COL1A1: variants seen among roughly 807,000 people sequenced by gnomAD.
The protein encoded by COL1A1 is collagen type I alpha 1 chain.
COL1A1 carries 21 observed loss-of-function variants against 195.7 expected under a neutral mutation model. The observed-to-expected ratio is 0.11, with a 90% confidence interval of 0.08 to 0.15. COL1A1 has a LOEUF of 0.15. COL1A1 is among the 10% of genes least tolerant of loss of function. The pLI, the probability that COL1A1 is intolerant of heterozygous loss-of-function variation, is 1.00. For missense variants in COL1A1, 1,365 were observed against 2,051.0 expected, an observed-to-expected ratio of 0.67 and a Z score of 6.46; for synonymous variants, 749 against 747.3, an observed-to-expected ratio of 1.00 and a Z score of -0.04.
At chr17:50,197,278 C>A in intron 9 of COL1A1, 45 bp from the exon 10 acceptor site, 1 of 1,599,640 alleles carries the variant, frequency 6.3e-7, no homozygotes, top group Non-Finnish European at 8.6e-7. Flanking sequence ...CTCCCCACCA[C>A]CGCCTAGGGG....
Position 50,195,617 on chromosome 17 carries a change from C to T in COL1A1, c.1105G>A (p.Val369Met). 1 of 1,613,844 alleles carries T rather than the reference C, an allele frequency of 6.2e-7. No individual in the cohort carries two copies. The highest frequency in any genetic ancestry group is 1.7e-5 in the Admixed American group (1 of 60,014). ...CCAGGGGGGCCAGGCTCACCACGCA[C>T]ACCCTGGGGACCTTCAGAGCCTCGG... is the stretch of plus-strand genomic sequence containing the variant. ...GPRGSEGPQG[V>M]RGEPGPPGPA... Residue 369 changes from valine to methionine, a missense_variant, in exon 17 of 51, where the codon GTG (valine) becomes ATG (methionine). Val to Met is a conservative substitution (Grantham distance 21). This residue lies in a region of COL1A1 where 226 missense variants were observed against 372.9 expected (regional missense o/e 0.61). Coordinates refer to ENST00000225964, the MANE Select transcript of COL1A1 (RefSeq NM_000088.4). The surrounding 1 kb of genome is among the most constrained non-coding windows in gnomAD (Gnocchi z 4.3).
Position 50,185,645 on chromosome 17 carries a change from G to A in COL1A1, c.4252C>T (p.His1418Tyr). 6.2e-7 allele frequency: 1 copy of A among 1,613,830 alleles called. No individual in the cohort carries two copies. The highest frequency in any genetic ancestry group is 1.6e-4 in the Middle Eastern group (1 of 6,062). The change falls in exon 51 of 51, where the codon CAC (histidine) becomes TAC (tyrosine). Residue 1418 changes from histidine (H) to tyrosine (Y), a missense_variant. His to Tyr is a moderately conservative substitution (Grantham distance 83). Around this residue, in one of 5 missense-constraint regions of COL1A1, gnomAD observed 273 missense variants for 338.6 expected, o/e 0.81. Transcript: ENST00000225964. ...ACTGTCTTGCCCCAGGCTCCGGTGTGACTCTGGGGTGGGGCGGAGACAACG... is the reference window on the plus strand; with the variant it reads ...ACTGTCTTGCCCCAGGCTCCGGTGTAACTCTGGGGTGGGGCGGAGACAACG... ...YSVTVDGCTS[H>Y]TGAWGKTVIE...
chr17:50,197,497 A>G (rs1907696195), intron 9 of COL1A1, among the ~76,000 whole-genome samples: 1 of 152,188 alleles, frequency 6.6e-6, no homozygotes. Flanking sequence ...CCCCAAAGGG[A>G]TGGGGTTGGG....
rs773802092 is a variant in COL1A1 at position 50,190,496 on chromosome 17, G to A, written c.2397+47C>T. 1.2e-6 allele frequency: 2 copies of A among 1,610,082 alleles called. No homozygotes were observed. ...ACAGGGCCAGGGGTGCTGTGTGAAG[G>A]GAGGGAAGGGCCAAGTATGGGGTCT... is the stretch of plus-strand genomic sequence containing the variant. On this transcript the variant is annotated intron_variant, in intron 34 of 50. Coordinates refer to ENST00000225964, the MANE Select transcript of COL1A1 (RefSeq NM_000088.4). The surrounding 1 kb of genome is among the most constrained non-coding windows in gnomAD (Gnocchi z 4.7).
In COL1A1 at chr17:50,194,735, G is replaced by T; in HGVS notation, c.1447C>A (p.Pro483Thr). The T allele has an allele frequency of 4.5e-6, 7 of 1,569,648 alleles. No homozygotes were observed. Among genetic ancestry groups the T allele is most frequent in the African/African-American group, 1.4e-5 (1 of 73,534 alleles). ...GGGACACTTACACGCTCGCCAGGGG[G>T]TCCGGGCAGGCCAGTGGGTCCGGGT... is the stretch of plus-strand genomic sequence containing the variant. ...GEPGPTGLPG[P>T]PGERGGPGSR... Residue 483 changes from proline to threonine, a missense_variant, in exon 21 of 51, where the codon CCC (proline) becomes ACC (threonine). This residue lies in a region of COL1A1 where 671 missense variants were observed against 1,099.9 expected (regional missense o/e 0.61). Transcript: ENST00000225964. The surrounding 1 kb of genome is among the most constrained non-coding windows in gnomAD (Gnocchi z 6.8).
chr17:50,188,926 G>A lies in COL1A1; in HGVS notation c.3022C>T (p.Pro1008Ser), dbSNP rs1199013401. 6.2e-6 allele frequency: 10 copies of A among 1,610,972 alleles called. No homozygotes were observed. The highest frequency in any genetic ancestry group is 1.6e-4 in the Middle Eastern group (1 of 6,076). ...GPMGPPGLAG[P>S]PGESGREGAP... The stretch of plus-strand genomic sequence containing the variant: ...ACCTCACGTCCAGATTCACCAGGGG[G>A]TCCAGCCAATCCAGGGGGGCCCATG... Residue 1008 changes from proline to serine, a missense_variant, in exon 41 of 51, where the codon CCC (proline) becomes TCC (serine). This residue lies in a region of COL1A1 where 671 missense variants were observed against 1,099.9 expected (regional missense o/e 0.61). Coordinates refer to ENST00000225964, the MANE Select transcript of COL1A1 (RefSeq NM_000088.4). The surrounding 1 kb of genome is among the most constrained non-coding windows in gnomAD (Gnocchi z 5.6).
intron 46 of COL1A1, 78 bp from the exon 47 acceptor site, chr17:50,187,200 C>G: frequency 2.5e-6 from 3 of 1,214,482 alleles, no homozygotes; most frequent in Non-Finnish European, 3.6e-6. Context: ...GCCCACCACC[C>G]TCCCTGCTGG....
rs1395133798 is a variant in COL1A1 at position 50,186,055 on chromosome 17, C to T, written c.4006-35G>A. The T allele has an allele frequency of 6.2e-7, 1 of 1,608,548 alleles. No individual in the cohort carries two copies. The highest frequency in any genetic ancestry group is 1.7e-5 in the Admixed American group (1 of 59,996). ...AGGGGAGAGAGGGAAGAGTGAGCCG[C>T]TATGCGGGAACCTCTAGTCCTGCCT... On this transcript the variant is annotated intron_variant, in intron 49 of 50. Coordinates refer to ENST00000225964, the MANE Select transcript of COL1A1 (RefSeq NM_000088.4). The surrounding 1 kb of genome is among the most constrained non-coding windows in gnomAD (Gnocchi z 5.3).
At chr17:50,199,360 G>A (rs1444069190) in intron 4 of COL1A1, 33 bp from the exon 5 acceptor site, 1 of 1,602,742 alleles carries the variant, frequency 6.2e-7, no homozygotes, top group Non-Finnish European at 8.5e-7. Context: ...CGGGGTGAGC[G>A]TGGGGCCGAG....
rs1598297682 is a variant in COL1A1, at chr17:50,195,941, AG to A, written c.1037del (p.Pro346LeufsTer195). The A allele has an allele frequency of 6.3e-7, 1 of 1,590,688 alleles. No homozygotes were observed. Among genetic ancestry groups the A allele is most frequent in the Non-Finnish European group, 8.6e-7 (1 of 1,168,078 alleles). ...PTGPAGPPGF[P>X]GAVGAKGEAG... ...GTCTCACCTTAGCACCAACAGCACC[AG>A]GGAAGCCAGGAGGACCAGCGGGGCC... On this transcript the variant is annotated frameshift_variant, in exon 16 of 51. Coordinates refer to ENST00000225964, the MANE Select transcript of COL1A1 (RefSeq NM_000088.4). LOFTEE classifies it high-confidence loss of function. The surrounding 1 kb of genome is among the most constrained non-coding windows in gnomAD (Gnocchi z 4.3).
chr17:50,193,876 C>T, intron 25 of COL1A1, 67 bp downstream of exon 25: 1 of 1,414,484 alleles, frequency 7.1e-7, no homozygotes. Flanking sequence ...AGCCCAGAGC[C>T]CAGGACTCCT....
chr17:50,188,664 GT>G lies in COL1A1; in HGVS notation c.3100-28del, dbSNP rs2144546331. 1.2e-6 allele frequency: 2 copies of G among 1,613,298 alleles called. No individual in the cohort carries two copies. The highest frequency in any genetic ancestry group is 4.5e-5 in the East Asian group (2 of 44,854). On this transcript the variant is annotated intron_variant, in intron 42 of 50. Coordinates refer to ENST00000225964, the MANE Select transcript of COL1A1 (RefSeq NM_000088.4). This position sits in a 1 kb window ranked among gnomAD's most constrained non-coding sequence, Gnocchi z 5.6. ...TGGCGGGGAGAGCAGGGGAATATGG[GT>G]CAGCCCCGGGTGAAGGGCCAGGATG... is the stretch of plus-strand genomic sequence containing the variant.
In COL1A1 at chr17:50,185,528, C is replaced by T. The variant is rs761895918; in HGVS notation, c.4369G>A (p.Asp1457Asn). 51 of 1,612,776 alleles carry T rather than the reference C, an allele frequency of 3.2e-5. No homozygotes were observed. In the Middle Eastern group the frequency reaches 6.6e-4, roughly 21 times the overall value. ...TACAGGAAGCAGACAGGGCCAACGT[C>T]GAAGCCGAATTCCTGGTCTGGGGCA... ...VGAPDQEFGFDVGPVCFL is the reference protein window; with the variant it reads ...VGAPDQEFGFNVGPVCFL The change falls in exon 51 of 51, where the codon GAC becomes AAC. Residue 1457 changes from aspartate to asparagine, a missense_variant. Coordinates refer to ENST00000225964, the MANE Select transcript of COL1A1 (RefSeq NM_000088.4).
At chr17:50,191,658 C>A (rs1008316964) in intron 31 of COL1A1, 130 bp downstream of exon 31, 1 of 1,166,296 alleles carries the variant, frequency 8.6e-7, no homozygotes, top group Non-Finnish European at 1.2e-6. Context: ...TGGGCCCCTG[C>A]CCTGGTCTTT....
rs1207841623 is a variant in COL1A1, at chr17:50,198,195, C to A, written c.554G>T (p.Gly185Val). ...ISVPGPMGPS[G>V]PRGLPGPPGA... is the part of the protein sequence containing the mutation. ...AGGGGGGCCAGGGAGACCACGAGGA[C>A]CAGAGGGACCCTATAGAGGGAGAAG... Residue 185 changes from glycine (G) to valine (V), a missense_variant, in exon 7 of 51, where the codon GGT becomes GTT. Physicochemically the swap from Gly to Val is moderately radical, Grantham distance 109. This residue lies in a region of COL1A1 where 226 missense variants were observed against 372.9 expected (regional missense o/e 0.61). Coordinates refer to ENST00000225964, the MANE Select transcript of COL1A1 (RefSeq NM_000088.4). The A allele has an allele frequency of 6.2e-7, 1 of 1,614,052 alleles. No individual in the cohort carries two copies. The highest frequency in any genetic ancestry group is 8.5e-7 in the Non-Finnish European group (1 of 1,179,982).
In COL1A1 at chr17:50,194,857, C is replaced by T. The variant is rs1206374608; in HGVS notation, c.1354-29G>A. 6.4e-7 allele frequency: 1 copy of T among 1,570,874 alleles called. No individual in the cohort carries two copies. The highest frequency in any genetic ancestry group is 2.0e-4 in the Middle Eastern group (1 of 5,114). On this transcript the variant is annotated intron_variant, in intron 20 of 50. Transcript: ENST00000225964. The surrounding 1 kb of genome is among the most constrained non-coding windows in gnomAD (Gnocchi z 6.8). ...GAGAGGGCCGAGAGGAGGAGGCGGC[C>T]TGTGGTGAGGGGCCATCCTGTGCCA...
At chr17:50,200,862 G>A (rs1424038932) in intron 1 of COL1A1, among the ~76,000 whole-genome samples, 1 of 152,168 alleles carries the variant, frequency 6.6e-6, no homozygotes, top group Non-Finnish European at 1.5e-5. Context: ...ACCGGGAGAC[G>A]CAGTGCTCAG....
In COL1A1 at chr17:50,190,052, G is replaced by T. The variant is rs200620805; in HGVS notation, c.2508C>A (p.Gly836=). The change falls in exon 36 of 51, where the codon GGC becomes GGA. Residue 836 remains glycine (G), a synonymous_variant. Coordinates refer to ENST00000225964, the MANE Select transcript of COL1A1 (RefSeq NM_000088.4). This position sits in a 1 kb window ranked among gnomAD's most constrained non-coding sequence, Gnocchi z 4.7. ...CGGCAGGGCCAGGGGGACCAGCATC[G>T]CCTTTAGCACCAGCATCACCAGGTT... ...KGEPGDAGAK[G]DAGPPGPAGP... is the part of the protein sequence containing the mutation. 12 of 1,610,258 alleles carry T rather than the reference G, an allele frequency of 7.5e-6. No homozygotes were observed. Among genetic ancestry groups the T allele is most frequent in the South Asian group, 2.2e-5 (2 of 90,926 alleles).
chr17:50,199,902 C>T lies in COL1A1; in HGVS notation c.149G>A (p.Arg50Gln), dbSNP rs1907935641. ...GCAGGGCTCGGGTTTCCACACGTCT[C>T]GGTCATGGTACCTGAGGCCGTTCTG... ...CVQNGLRYHD[R>Q]DVWKPEPCRI... Residue 50 changes from arginine (R) to glutamine (Q), a missense_variant, in exon 2 of 51, where the codon CGA (arginine) becomes CAA (glutamine). This residue lies in a region of COL1A1 where 194 missense variants were observed against 221.7 expected (regional missense o/e 0.88). Transcript: ENST00000225964. 5 of 1,614,090 alleles carry T rather than the reference C, an allele frequency of 3.1e-6. No individual in the cohort carries two copies. Among genetic ancestry groups the T allele is most frequent in the Non-Finnish European group, 4.2e-6 (5 of 1,180,044 alleles).
Sources: gnomAD v4.1 joint callset for allele counts (sites outside exome capture counted in the v4.1 genomes callset) on GRCh38, gnomAD v4.1.1 for gene constraint, gnomAD v4.1.1 regional missense constraint, Gnocchi (gnomAD v3.1) non-coding constraint, MANE v1.5 for transcripts, NCBI Gene and HGNC (gene_info 2026-07-23, HGNC 2026-07-21) for gene names.